The following RBFOX1 variants were observed in gnomAD, a reference collection of about 807,000 sequenced individuals.
RBFOX1 encodes RNA binding fox-1 homolog 1.
RBFOX1 carries 8 observed loss-of-function variants against 57.7 expected under a neutral mutation model. The ratio of observed to expected loss-of-function variants is 0.14; its 90% CI spans 0.08 to 0.25. The LOEUF (loss-of-function observed/expected upper bound fraction) is 0.25, where lower values mean the gene tolerates loss of function less well. Ranked by LOEUF, RBFOX1 falls within the 10% of genes least tolerant of loss-of-function variation. The pLI, the probability that RBFOX1 is intolerant of heterozygous loss-of-function variation, is 1.00. For synonymous variants in RBFOX1, 326 were observed against 222.4 expected (o/e 1.47, Z -4.15); for missense variants, 611 against 548.5 (o/e 1.11, Z -1.14).
chr16:5,954,975 C>T (rs1177807180), intron 4 of RBFOX1, among the ~76,000 whole-genome samples: 2 of 151,580 alleles, frequency 1.3e-5, no homozygotes, highest in Non-Finnish European at 2.9e-5. Flanking sequence ...GATGAGGCAG[C>T]AGCCTAAGAA....
chr16:6,570,808 ATTTTAC>A (rs1022116485), intron 2 of RBFOX1, among the ~76,000 whole-genome samples: 5 of 152,254 alleles, frequency 3.3e-5, no homozygotes, highest in African/African-American at 1.2e-4. Context: ...TATTATAACT[ATTTTAC>A]TTTTAAAGAC....
chr16:6,802,426 C>T (rs899565150), intron 3 of RBFOX1, among the ~76,000 whole-genome samples: 1 of 152,110 alleles, frequency 6.6e-6, no homozygotes. Flanking sequence ...CCTATAATTC[C>T]AGCACTTTGG....
intron 3 of RBFOX1, among the ~76,000 whole-genome samples, chr16:6,706,458 G>C (rs1355524532): frequency 6.6e-6 from 1 of 152,200 alleles, no homozygotes; most frequent in Admixed American, 6.5e-5. Flanking sequence ...TTTGGATGGG[G>C]GGCCCCTGTA....
At chr16:6,425,131 A>ATTAT (rs2093887607) in intron 2 of RBFOX1, among the ~76,000 whole-genome samples, 1 of 152,194 alleles carries the variant, frequency 6.6e-6, no homozygotes, top group East Asian at 1.9e-4. Flanking sequence ...TTTTAGTAAT[A>ATTAT]TTATTTTTCA....
At chr16:7,419,538 G>T (rs551209934) in intron 4 of RBFOX1, among the ~76,000 whole-genome samples, 1 of 152,196 alleles carries the variant, frequency 6.6e-6, no homozygotes, top group Admixed American at 6.5e-5. Context: ...TAATACATCT[G>T]ATTACCATGG....
intron 3 of RBFOX1, among the ~76,000 whole-genome samples, chr16:6,826,541 C>G (rs938731471): frequency 6.6e-6 from 1 of 151,976 alleles, no homozygotes; most frequent in Non-Finnish European, 1.5e-5. Flanking sequence ...CACAGTCTTC[C>G]GGGCATACGT....
chr16:6,315,585 A>G (rs1473800399), intron 1 of RBFOX1, among the ~76,000 whole-genome samples: 2 of 117,150 alleles, frequency 1.7e-5, no homozygotes, highest in East Asian at 4.5e-4. Flanking sequence ...GGATAGATGG[A>G]TGGATGGATA....
At chr16:7,566,372 C>T (rs118037896) in intron 5 of RBFOX1, among the ~76,000 whole-genome samples, 1 of 152,292 alleles carries the variant, frequency 6.6e-6, no homozygotes, top group East Asian at 1.9e-4. Flanking sequence ...TGAATCTTTA[C>T]TCCTGTCTAT....
chr16:6,557,293 G>T (rs2097118835), intron 2 of RBFOX1, among the ~76,000 whole-genome samples: 1 of 151,618 alleles, frequency 6.6e-6, no homozygotes, highest in Non-Finnish European at 1.5e-5. Context: ...TTTAAAAGAG[G>T]ATATAAAGCA....
intron 5 of RBFOX1, among the ~76,000 whole-genome samples, chr16:7,527,737 G>A (rs2079021535): frequency 6.6e-6 from 1 of 152,054 alleles, no homozygotes; most frequent in African/African-American, 2.4e-5. Flanking sequence ...GAAGGTCTTA[G>A]CACAATGACA....
intron 4 of RBFOX1, among the ~76,000 whole-genome samples, chr16:7,478,346 C>A (rs1365200414): frequency 6.6e-6 from 1 of 152,148 alleles, no homozygotes; most frequent in African/African-American, 2.4e-5. Flanking sequence ...AGACTTTACT[C>A]CAGGTGGCCC....
intron 1 of RBFOX1, among the ~76,000 whole-genome samples, chr16:6,234,725 C>A (rs1018591834): frequency 1.3e-5 from 2 of 152,136 alleles, no homozygotes; most frequent in Non-Finnish European, 2.9e-5. Flanking sequence ...GGGGCCTTTT[C>A]ATGGTGAAGA....
At chr16:7,018,758 G>A (rs1275419409) in intron 3 of RBFOX1, among the ~76,000 whole-genome samples, 3 of 150,318 alleles carry the variant, frequency 2.0e-5, no homozygotes. Flanking sequence ...CCTGCACGTT[G>A]TGCACATGTA....
chr16:6,875,282 A>G (rs767307733), intron 3 of RBFOX1, among the ~76,000 whole-genome samples: 2 of 152,212 alleles, frequency 1.3e-5, no homozygotes, highest in African/African-American at 4.8e-5. Flanking sequence ...TGTCTAAACA[A>G]TACAACTCGT....
At position 7,328,432 on chromosome 16, in the gene RBFOX1, A is replaced by T. The variant is rs1001081183; in HGVS notation, c.28-189715A>T. Among the ~76,000 whole-genome samples the T allele has an allele frequency of 2.1e-5, 3 of 145,212 alleles. No individual in the cohort carries two copies. In the Admixed American group the frequency reaches 2.1e-4, roughly 10 times the overall value. On this transcript the variant is annotated intron_variant, in intron 4 of 15. Coordinates refer to ENST00000550418, the MANE Select transcript of RBFOX1 (RefSeq NM_018723.4). Reference sequence around the variant, plus strand: ...GTGGCAGAGGTTGCAGTGAGCTGAGATCATGCCATTGCACTCTAGCCTGGG... The same window carrying T: ...GTGGCAGAGGTTGCAGTGAGCTGAGTTCATGCCATTGCACTCTAGCCTGGG...
intron 5 of RBFOX1, among the ~76,000 whole-genome samples, chr16:7,551,207 C>G (rs1240855875): frequency 6.6e-6 from 1 of 152,020 alleles, no homozygotes; most frequent in Non-Finnish European, 1.5e-5. Context: ...AGGTCAGTCT[C>G]AGAAATTGCC....
intron 3 of RBFOX1, among the ~76,000 whole-genome samples, chr16:5,770,214 C>T (rs74006274): frequency 0.024 from 3,571 of 151,654 alleles, 150 homozygotes; most frequent in African/African-American, 0.081. Flanking sequence ...GTTTTCAGAA[C>T]ACCAGTCACA....
chr16:6,948,992 CAAAGG>C (rs2080144194), intron 3 of RBFOX1, among the ~76,000 whole-genome samples: 1 of 151,974 alleles, frequency 6.6e-6, no homozygotes, highest in South Asian at 2.1e-4. Flanking sequence ...GACAGTTTCT[CAAAGG>C]AAGGGATTCT....
intron 3 of RBFOX1, among the ~76,000 whole-genome samples, chr16:6,901,873 A>T (rs777594602): frequency 1.3e-5 from 2 of 152,228 alleles, no homozygotes; most frequent in African/African-American, 4.8e-5. Flanking sequence ...GGAGTTCCCC[A>T]TGTGAGCCTA....
Sources: allele counts gnomAD v4.1 joint callset (sites outside exome capture counted in the v4.1 genomes callset), GRCh38; gene constraint gnomAD v4.1.1; transcripts MANE v1.5; gene names NCBI Gene and HGNC (gene_info 2026-07-23, HGNC 2026-07-21).